The following MAML3 variants were observed in gnomAD, a reference collection of about 807,000 sequenced individuals.
MAML3 encodes mastermind-like protein 3.
Under a neutral mutation model 101.9 loss-of-function variants are expected in MAML3, and 27 were observed. The observed-to-expected ratio is 0.27, with a 90% confidence interval of 0.20 to 0.37. The LOEUF (loss-of-function observed/expected upper bound fraction) is 0.37, where lower values mean the gene tolerates loss of function less well. Among genes scored for constraint, MAML3 ranks in the 10% least tolerant of loss-of-function variants. The probability of loss-of-function intolerance (pLI) is 1.00; values close to 1 mark genes in which losing one functional copy is unlikely to be tolerated. For missense variants in MAML3, 1,316 were observed against 1,444.9 expected (o/e 0.91, Z 1.45); for synonymous variants, 501 against 555.9 (o/e 0.90, Z 1.39).
intron 1 of MAML3, among the ~76,000 whole-genome samples, chr4:139,965,352 A>G (rs6536603): frequency 0.67 from 102,093 of 151,892 alleles, 34,662 homozygotes; most frequent in Admixed American, 0.8. Flanking sequence ...GTTTTTTCCT[A>G]CTATTATAAG....
At chr4:139,724,266 A>G (rs1275865645) in intron 4 of MAML3, among the ~76,000 whole-genome samples, 1 of 152,220 alleles carries the variant, frequency 6.6e-6, no homozygotes, top group Non-Finnish European at 1.5e-5. Flanking sequence ...GTAAATATCA[A>G]TGGCTTTCAG....
rs1007754393 is a variant in MAML3 at position 139,718,562 on chromosome 4, C to T, written c.*761G>A. ...TGGGCGCCAGCAGGCTCCAGCCCCACCTGGAGGGACTGCCACCAGGGGCAC... is the reference window on the plus strand; with the variant it reads ...TGGGCGCCAGCAGGCTCCAGCCCCATCTGGAGGGACTGCCACCAGGGGCAC... On this transcript the variant is annotated 3_prime_UTR_variant, in exon 5 of 5. Coordinates refer to ENST00000509479, the MANE Select transcript of MAML3 (RefSeq NM_018717.5). The T allele has an allele frequency of 6.6e-6, 1 of 152,486 alleles. No individual in the cohort carries two copies. Among genetic ancestry groups the T allele is most frequent in the Non-Finnish European group, 1.5e-5 (1 of 68,264 alleles). The allele number at this position is 152,486 out of a possible 1,614,324, so 9.4% of individuals were successfully genotyped here.
intron 1 of MAML3, among the ~76,000 whole-genome samples, chr4:140,118,750 C>T (rs1006795754): frequency 2.0e-5 from 3 of 152,070 alleles, no homozygotes; most frequent in African/African-American, 7.2e-5. Flanking sequence ...TATTATGGCC[C>T]ATTGGAAACG....
chr4:140,123,557 T>C (rs1421037336), intron 1 of MAML3, among the ~76,000 whole-genome samples: 1 of 152,224 alleles, frequency 6.6e-6, no homozygotes, highest in Non-Finnish European at 1.5e-5. Context: ...TTCTGTTTTC[T>C]GGTTCCTAAG....
intron 2 of MAML3, among the ~76,000 whole-genome samples, chr4:139,879,638 CG>C (rs1050375889): frequency 2.0e-3 from 6 of 3,030 alleles, no homozygotes; most frequent in African/African-American, 4.5e-3. Flanking sequence ...GAGATGTGGG[CG>C]GGGGGGTGGG....
intron 1 of MAML3, among the ~76,000 whole-genome samples, chr4:139,899,475 A>C (rs1197039999): frequency 6.6e-6 from 1 of 152,036 alleles, no homozygotes; most frequent in Non-Finnish European, 1.5e-5. Context: ...ATTTCCCTTC[A>C]CTTTCATTCA....
intron 2 of MAML3, among the ~76,000 whole-genome samples, chr4:139,827,382 G>T (rs1402171065): frequency 6.6e-6 from 1 of 152,186 alleles, no homozygotes; most frequent in Non-Finnish European, 1.5e-5. Context: ...CTGTGGACTG[G>T]GTTAAGGTGA....
In MAML3 at chr4:140,149,624, C is replaced by A. The variant is rs1325480600; in HGVS notation, c.468+3236G>T. Among the ~76,000 whole-genome samples, 3 of 152,164 alleles carry A rather than the reference C, an allele frequency of 2.0e-5. No homozygotes were observed. The East Asian group carries it at 5.8e-4, about 29-fold the overall frequency. On this transcript the variant is annotated intron_variant, in intron 1 of 4. Transcript: ENST00000509479. ...TAGAAAGTAAACAATACCAATGAAA[C>A]AGTAAAGAATCCTATTCATCTTTAT...
At chr4:139,921,061 T>G (rs941186964) in intron 1 of MAML3, among the ~76,000 whole-genome samples, 3 of 152,118 alleles carry the variant, frequency 2.0e-5, no homozygotes, top group Non-Finnish European at 4.4e-5. Context: ...TCTTTCCTCC[T>G]CATTTTTCCC....
chr4:139,812,240 CTG>C (rs987854676), intron 2 of MAML3, among the ~76,000 whole-genome samples: 1 of 152,114 alleles, frequency 6.6e-6, no homozygotes, highest in Non-Finnish European at 1.5e-5. Context: ...GAGCAAGACT[CTG>C]TCTCAAAAAA....
chr4:139,762,166 T>A (rs1316209869), intron 2 of MAML3, among the ~76,000 whole-genome samples: 1 of 152,192 alleles, frequency 6.6e-6, no homozygotes, highest in East Asian at 1.9e-4. Flanking sequence ...TATGTTTCAT[T>A]ACCATGCATG....
rs186418632 is a variant in MAML3, at chr4:140,071,763, G to A, written c.468+81097C>T. On this transcript the variant is annotated intron_variant, in intron 1 of 4. Coordinates refer to ENST00000509479, the MANE Select transcript of MAML3 (RefSeq NM_018717.5). ...TTTACAGGGACCAGGATTAGAGAGA[G>A]AGAGAGAGAGAGAGAGAGAGAGAGA... Among the ~76,000 whole-genome samples the A allele has an allele frequency of 1.3e-3, 204 of 151,318 alleles. 1 individual carries two copies. Among genetic ancestry groups the A allele is most frequent in the African/African-American group, 4.4e-3 (183 of 41,202 alleles).
chr4:139,745,300 A>ACAG (rs3051190), intron 2 of MAML3, among the ~76,000 whole-genome samples: 116,741 of 151,796 alleles, frequency 0.77, 45,805 homozygotes, highest in East Asian at 0.93. Flanking sequence ...ATCAGGAGCC[A>ACAG]CAGCAGGTTC....
intron 1 of MAML3, among the ~76,000 whole-genome samples, chr4:140,007,509 T>G (rs1169122994): frequency 6.6e-6 from 1 of 152,040 alleles, no homozygotes; most frequent in African/African-American, 2.4e-5. Flanking sequence ...GGGAGGGCAG[T>G]GGGGAGGGAA....
At chr4:140,035,928 GT>G (rs1726980580) in intron 1 of MAML3, among the ~76,000 whole-genome samples, 1 of 152,200 alleles carries the variant, frequency 6.6e-6, no homozygotes, top group African/African-American at 2.4e-5. Flanking sequence ...CTATCCTGAT[GT>G]ATTTCTTACT....
intron 1 of MAML3, among the ~76,000 whole-genome samples, chr4:139,954,949 G>A (rs1733892267): frequency 6.6e-6 from 1 of 151,962 alleles, no homozygotes; most frequent in East Asian, 1.9e-4. Flanking sequence ...AATAAAAGAA[G>A]CGATAATGAT....
At chr4:140,005,660 G>A (rs562309722) in intron 1 of MAML3, among the ~76,000 whole-genome samples, 24 of 152,272 alleles carry the variant, frequency 1.6e-4, no homozygotes, top group Non-Finnish European at 3.1e-4. Flanking sequence ...CCTCCCAAAA[G>A]AAGATTAGAA....
intron 1 of MAML3, among the ~76,000 whole-genome samples, chr4:140,079,716 G>A (rs543164970): frequency 1.1e-4 from 16 of 152,320 alleles, no homozygotes; most frequent in African/African-American, 3.6e-4. Flanking sequence ...CCATATATAA[G>A]AAAGTAGTTA....
At chr4:140,076,954 A>G (rs939366093) in intron 1 of MAML3, among the ~76,000 whole-genome samples, 1 of 152,088 alleles carries the variant, frequency 6.6e-6, no homozygotes, top group East Asian at 1.9e-4. Context: ...CAGTGGCGCA[A>G]TCTCGGCTCA....
Sources: gnomAD v4.1 joint callset for allele counts (sites outside exome capture counted in the v4.1 genomes callset) on GRCh38, gnomAD v4.1.1 for gene constraint, MANE v1.5 for transcripts, NCBI Gene and HGNC (gene_info 2026-07-23, HGNC 2026-07-21) for gene names.